The following GRK2 variants were observed in gnomAD, a reference collection of about 807,000 sequenced individuals.
The protein encoded by GRK2 is G protein-coupled receptor kinase 2.
GRK2 carries 23 observed loss-of-function variants against 97.8 expected under a neutral mutation model. That is an observed-to-expected ratio of 0.24 (90% CI 0.17 to 0.33). The LOEUF is 0.33. GRK2 is among the 10% of genes least tolerant of loss of function. The pLI, the probability that GRK2 is intolerant of heterozygous loss-of-function variation, is 1.00. For synonymous variants in GRK2, 425 were observed against 381.7 expected, an observed-to-expected ratio of 1.11 and a Z score of -1.32; for missense variants, 633 against 956.9, an observed-to-expected ratio of 0.66 and a Z score of 4.47.
At chr11:67,270,455 C>T (rs767993760) in intron 1 of GRK2, among the ~76,000 whole-genome samples, 2 of 152,088 alleles carry the variant, frequency 1.3e-5, no homozygotes, top group African/African-American at 2.4e-5. Context: ...AGACCCTGCC[C>T]CTGTTCCTCC....
chr11:67,286,192 G>A lies in GRK2; in HGVS notation c.*742G>A. 1 of 546,304 alleles carries A rather than the reference G, an allele frequency of 1.8e-6. No homozygotes were observed. Among genetic ancestry groups the A allele is most frequent in the Non-Finnish European group, 3.2e-6 (1 of 311,754 alleles). 33.8% of individuals were successfully genotyped at this position (546,304 alleles called of 1,614,324 possible). The stretch of plus-strand genomic sequence containing the variant: ...GCCTCGCCTGGCCTGAGGTCTCGCT[G>A]ATGCTGGGCTGGGTGCGACCCCATC... On this transcript the variant is annotated 3_prime_UTR_variant, in exon 21 of 21. Coordinates refer to ENST00000308595, the MANE Select transcript of GRK2 (RefSeq NM_001619.5).
chr11:67,278,571 C>T (rs1267620782), intron 2 of GRK2, among the ~76,000 whole-genome samples: 2 of 152,332 alleles, frequency 1.3e-5, no homozygotes, highest in African/African-American at 2.4e-5. Context: ...GCCTCTGCCA[C>T]AGACAGTGTG....
chr11:67,285,592 GC>G lies in GRK2; in HGVS notation c.*145del. 3.5e-6 allele frequency: 4 copies of G among 1,134,886 alleles called. No individual in the cohort carries two copies. Among genetic ancestry groups the G allele is most frequent in the South Asian group, 3.5e-5 (2 of 57,886 alleles). 70.3% of individuals were successfully genotyped at this position (1,134,886 alleles called of 1,614,324 possible). On this transcript the variant is annotated 3_prime_UTR_variant, in exon 21 of 21. Transcript: ENST00000308595. Reference sequence around the variant, plus strand: ...GCCTGGCCCAGCTCCCCCGGGAGGGGCCCGCTTGCCTCGGCTCCTGCTGCAC... The same window carrying G: ...GCCTGGCCCAGCTCCCCCGGGAGGGGCCGCTTGCCTCGGCTCCTGCTGCAC...
rs368707177 is a variant in GRK2 at position 67,279,492 on chromosome 11, C to A, written c.339C>A (p.Ile113=). 1.9e-5 allele frequency: 31 copies of A among 1,613,208 alleles called. No individual in the cohort carries two copies. The highest frequency in any genetic ancestry group is 2.6e-5 in the Non-Finnish European group (31 of 1,180,044). ...ARSREIFDSY[I]MKELLACSHP... ...GCCGGGAGATCTTCGACTCATACAT[C>A]ATGAAGGAGCTGCTGGCCTGCTCGC... Residue 113 remains isoleucine (I), a synonymous_variant, in exon 4 of 21, where the codon ATC becomes ATA. Transcript: ENST00000308595.
chr11:67,274,524 C>CTTTTTTTTTTTTTTTTTTTTTTT (rs1590848179), intron 1 of GRK2, among the ~76,000 whole-genome samples: 1,302 of 54,858 alleles, frequency 0.024, 3 homozygotes, highest in Non-Finnish European at 0.031. Context: ...TTTTTTTTTG[C>CTTTTTTTTTTTTTTTTTTTTTTT]TTTTTTTCAT....
Position 67,281,525 on chromosome 11 carries a change from C to T in GRK2, c.714C>T (p.Asn238=), listed in dbSNP as rs748979223. The T allele has an allele frequency of 1.2e-5, 20 of 1,613,498 alleles. No homozygotes were observed. Among genetic ancestry groups the T allele is most frequent in the Admixed American group, 6.7e-5 (4 of 60,004 alleles). Reference sequence around the variant, plus strand: ...AGCAGGGGGAGACCCTGGCCCTGAACGAGCGCATCATGCTCTCGCTCGTCA... The same window carrying T: ...AGCAGGGGGAGACCCTGGCCCTGAATGAGCGCATCATGCTCTCGCTCGTCA... ...KMKQGETLAL[N]ERIMLSLVST... is the part of the protein sequence containing the mutation. Residue 238 remains asparagine, a synonymous_variant, in exon 9 of 21, where the codon AAC becomes AAT. Transcript: ENST00000308595. The surrounding 1 kb of genome is among the most constrained non-coding windows in gnomAD (Gnocchi z 5.7).
Position 67,283,835 on chromosome 11 carries a change from G to T in GRK2, c.1396-19G>T. 1 of 1,612,810 alleles carries T rather than the reference G, an allele frequency of 6.2e-7. No individual in the cohort carries two copies. The highest frequency in any genetic ancestry group is 8.5e-7 in the Non-Finnish European group (1 of 1,179,564). On this transcript the variant is annotated intron_variant, in intron 16 of 20. Coordinates refer to ENST00000308595, the MANE Select transcript of GRK2 (RefSeq NM_001619.5). Reference sequence around the variant, plus strand: ...GCCCCACCCCCGAGCTAATGCCCATGACCCCTGTTCTGCTGCAGTACCCTC... The same window carrying T: ...GCCCCACCCCCGAGCTAATGCCCATTACCCCTGTTCTGCTGCAGTACCCTC...
At chr11:67,272,960 C>T (rs1017194071) in intron 1 of GRK2, among the ~76,000 whole-genome samples, 8 of 152,250 alleles carry the variant, frequency 5.3e-5, no homozygotes, top group Non-Finnish European at 2.9e-5. Context: ...CATGGACTGT[C>T]GGTGAGCCGT....
intron 15 of GRK2, 173 bp downstream of exon 15, chr11:67,283,401 TTGGAGCTGC>T (rs1860197399): frequency 4.6e-6 from 3 of 646,750 alleles, no homozygotes; most frequent in Non-Finnish European, 8.1e-6. Context: ...GCCCTGGGAG[TTGGAGCTGC>T]TGGAACCAGC....
Position 67,281,861 on chromosome 11 carries a change from T to G in GRK2, c.866T>G (p.Phe289Cys). The G allele has an allele frequency of 6.2e-7, 1 of 1,613,652 alleles. No homozygotes were observed. The highest frequency in any genetic ancestry group is 8.5e-7 in the Non-Finnish European group (1 of 1,179,968). ...LHYHLSQHGV[F>C]SEADMRFYAA... ...TACCACCTCTCCCAGCACGGGGTCT[T>G]CTCAGAGGCTGACATGCGCTTCTAT... is the stretch of plus-strand genomic sequence containing the variant. Residue 289 changes from phenylalanine to cysteine, a missense_variant, in exon 11 of 21, where the codon TTC (phenylalanine) becomes TGC (cysteine). Physicochemically the swap from Phe to Cys is radical, Grantham distance 205. This residue lies in a region of GRK2 where 192 missense variants were observed against 362.3 expected (regional missense o/e 0.53). Transcript: ENST00000308595. The surrounding 1 kb of genome is among the most constrained non-coding windows in gnomAD (Gnocchi z 5.7).
intron 6 of GRK2, chr11:67,280,352 G>A: frequency 2.6e-6 from 1 of 390,098 alleles, no homozygotes; most frequent in Non-Finnish European, 4.8e-6. Context: ...GCTGTTTTAG[G>A]GTCACTGCTG....
rs369546263 is a variant in GRK2, at chr11:67,281,740, C to T, written c.826+12C>T. The T allele has an allele frequency of 6.2e-7, 1 of 1,613,254 alleles. No individual in the cohort carries two copies. Among genetic ancestry groups the T allele is most frequent in the Admixed American group, 1.7e-5 (1 of 59,992 alleles). ...GGACCTCATGAACGGTGAGTGCTGG[C>T]CGGGCCCTAGGGTGGGCCGGGCCCA... On this transcript the variant is annotated intron_variant, in intron 10 of 20. Coordinates refer to ENST00000308595, the MANE Select transcript of GRK2 (RefSeq NM_001619.5). The surrounding 1 kb of genome is among the most constrained non-coding windows in gnomAD (Gnocchi z 5.7).
rs938386661 is a variant in GRK2 at position 67,282,172 on chromosome 11, C to A, written c.958-99C>A. On this transcript the variant is annotated intron_variant, in intron 11 of 20. Coordinates refer to ENST00000308595, the MANE Select transcript of GRK2 (RefSeq NM_001619.5). This position sits in a 1 kb window ranked among gnomAD's most constrained non-coding sequence, Gnocchi z 6.9. ...CCACCTTTGCCCTTTCTTTGGGTAC[C>A]CATCGTCCTCTCCAGTGAAGCAGTG... is the stretch of plus-strand genomic sequence containing the variant. 860 of 1,304,432 alleles carry A rather than the reference C, an allele frequency of 6.6e-4. 4 individuals carry two copies. Among genetic ancestry groups the A allele is most frequent in the Non-Finnish European group, 1.3e-4 (116 of 921,568 alleles). 80.8% of individuals were successfully genotyped at this position (1,304,432 alleles called of 1,614,324 possible).
At position 67,285,449 on chromosome 11, in the gene GRK2, G is replaced by A. The variant is rs2229537; in HGVS notation, c.2069G>A (p.Ter690=). The change falls in exon 21 of 21, where the codon TGA becomes TAA. Residue 690 remains the stop codon, a stop_retained_variant. Transcript: ENST00000308595. ...CAGCGCGGCAGTGCCAACGGCCTCT[G>A]ACCCGCCCACCCGCCTTTTATAAAC... The part of the protein sequence containing the change: ...LVQRGSANGL[*] 1.3e-3 allele frequency: 2,010 copies of A among 1,541,254 alleles called. 28 individuals carry two copies. The African/African-American group carries it at 0.024, about 18-fold the overall frequency.
chr11:67,274,466 C>T (rs1284185332), intron 1 of GRK2, among the ~76,000 whole-genome samples: 1 of 138,948 alleles, frequency 7.2e-6, no homozygotes, highest in African/African-American at 2.6e-5. Context: ...TCTGCATCTG[C>T]CTGTCGCTAC....
intron 18 of GRK2, 42 bp from the exon 19 acceptor site, chr11:67,284,804 AC>A: frequency 1.3e-6 from 2 of 1,596,476 alleles, no homozygotes; most frequent in Non-Finnish European, 1.7e-6. Flanking sequence ...CAAAAAAGAA[AC>A]CCAGGTGGGG....
chr11:67,277,734 C>T (rs1198464697), intron 2 of GRK2, among the ~76,000 whole-genome samples: 4 of 152,258 alleles, frequency 2.6e-5, no homozygotes, highest in Non-Finnish European at 1.5e-5. Context: ...TGGCCCCGCC[C>T]CACCCCATGG....
At chr11:67,285,225 G>T (rs770016807) in intron 20 of GRK2, 37 bp downstream of exon 20, 1 of 1,612,112 alleles carries the variant, frequency 6.2e-7, no homozygotes, top group South Asian at 1.1e-5. Flanking sequence ...GAGGGCCGAG[G>T]GGCCAGGCCA....
In GRK2 at chr11:67,269,150, C is replaced by T. The variant is rs534418867; in HGVS notation, c.113+2338C>T. Among the ~76,000 whole-genome samples, 2 of 152,250 alleles carry T rather than the reference C, an allele frequency of 1.3e-5. No individual in the cohort carries two copies. The highest frequency in any genetic ancestry group is 2.9e-5 in the Non-Finnish European group (2 of 68,038). ...AGGCCACCCTTTGCATAACGCCTTGCCTTGCACACCCAGTGGGGCAGAGCA... is the reference window on the plus strand; with the variant it reads ...AGGCCACCCTTTGCATAACGCCTTGTCTTGCACACCCAGTGGGGCAGAGCA... On this transcript the variant is annotated intron_variant, in intron 1 of 20. Transcript: ENST00000308595. This position sits in a 1 kb window ranked among gnomAD's most constrained non-coding sequence, Gnocchi z 4.1.
Sources: allele counts gnomAD v4.1 joint callset (sites outside exome capture counted in the v4.1 genomes callset), GRCh38; gene constraint gnomAD v4.1.1; regional missense constraint gnomAD v4.1.1; non-coding constraint Gnocchi (gnomAD v3.1); transcripts MANE v1.5; gene names NCBI Gene and HGNC (gene_info 2026-07-23, HGNC 2026-07-21).